The following DYSF variants were observed in gnomAD, a reference collection of about 807,000 sequenced individuals.
DYSF encodes the protein dystrophy-associated fer-1-like 1.
Under a neutral mutation model 274.9 loss-of-function variants are expected in DYSF, and 212 were observed. The ratio of observed to expected loss-of-function variants is 0.77; its 90% CI spans 0.69 to 0.86. The LOEUF (loss-of-function observed/expected upper bound fraction) is 0.86, where lower values mean the gene tolerates loss of function less well. DYSF is among the 40% of genes least tolerant of loss of function. The pLI is 0.00. For synonymous variants in DYSF, 1,091 were observed against 1,078.7 expected (o/e 1.01, Z -0.22); for missense variants, 2,666 against 2,783.2 (o/e 0.96, Z 0.95).
chr2:71,617,746 A>ATGTGGGGTAGAGGTGGTG (rs2093926854), intron 40 of DYSF, among the ~76,000 whole-genome samples: 1 of 15,994 alleles, frequency 6.3e-5, no homozygotes, highest in Admixed American at 7.0e-4. Context: ...GTGTGTGTGT[A>ATGTGGGGTAGAGGTGGTG]TGTGGGGTAG....
At chr2:71,564,265 C>T (rs1250359637) in intron 24 of DYSF, 52 bp downstream of exon 24, 1 of 1,608,286 alleles carries the variant, frequency 6.2e-7, no homozygotes, top group Non-Finnish European at 8.5e-7. Flanking sequence ...AACATAAGGC[C>T]TTTCTCCCAT....
intron 41 of DYSF, among the ~76,000 whole-genome samples, chr2:71,629,409 T>C (rs1408348072): frequency 6.6e-6 from 1 of 152,222 alleles, no homozygotes; most frequent in Non-Finnish European, 1.5e-5. Context: ...CTCTGACTTC[T>C]GTTGTCTGAT....
intron 22 of DYSF, among the ~76,000 whole-genome samples, chr2:71,557,004 G>A (rs1391471438): frequency 1.3e-5 from 2 of 152,214 alleles, no homozygotes; most frequent in Non-Finnish European, 2.9e-5. Context: ...GTTAGGAAGT[G>A]TATCTTTATC....
intron 17 of DYSF, among the ~76,000 whole-genome samples, chr2:71,542,839 G>C (rs963280016): frequency 7.9e-5 from 12 of 152,230 alleles, no homozygotes; most frequent in South Asian, 2.1e-4. Context: ...CTTTCTACTC[G>C]ACAAAACCGC....
chr2:71,518,311 C>T (rs550761279), intron 10 of DYSF, among the ~76,000 whole-genome samples: 36 of 146,834 alleles, frequency 2.5e-4, no homozygotes, highest in African/African-American at 8.4e-4. Flanking sequence ...GGCTGGAGTG[C>T]AGTGGTGTGA....
chr2:71,584,474 A>G (rs17429787), intron 30 of DYSF, among the ~76,000 whole-genome samples: 68,827 of 151,950 alleles, frequency 0.45, 16,497 homozygotes, highest in East Asian at 0.71. Context: ...AAGTGAGTCC[A>G]CATTAATCCC....
chr2:71,584,449 C>T (rs1404781587), intron 30 of DYSF, among the ~76,000 whole-genome samples: 1 of 152,142 alleles, frequency 6.6e-6, no homozygotes, highest in African/African-American at 2.4e-5. Context: ...CACAGATGGC[C>T]TCATCCTGGG....
intron 26 of DYSF, among the ~76,000 whole-genome samples, chr2:71,568,874 C>T (rs1345870101): frequency 1.4e-5 from 2 of 141,742 alleles, no homozygotes; most frequent in Admixed American, 7.1e-5. Context: ...CCTTTATTCT[C>T]TCTCTTTTTT....
At chr2:71,649,834 C>T (rs572599708) in intron 42 of DYSF, among the ~76,000 whole-genome samples, 10 of 152,116 alleles carry the variant, frequency 6.6e-5, no homozygotes, top group Non-Finnish European at 1.0e-4. Flanking sequence ...AATCAGATCT[C>T]AGAGCAAAAT....
chr2:71,638,883 C>T (rs72904612), intron 41 of DYSF, among the ~76,000 whole-genome samples: 1,766 of 152,288 alleles, frequency 0.012, 39 homozygotes, highest in African/African-American at 0.039. Flanking sequence ...GCAACTCTAA[C>T]GTTTAATGTT....
At chr2:71,566,507 C>T (rs1385401102) in intron 24 of DYSF, among the ~76,000 whole-genome samples, 2 of 152,014 alleles carry the variant, frequency 1.3e-5, no homozygotes, top group Non-Finnish European at 1.5e-5. Context: ...TTAACTTAAA[C>T]CAAAGTTGGA....
rs60193865 is a variant in DYSF, at chr2:71,616,853, T to C, written c.4464+3443T>C. On this transcript the variant is annotated intron_variant, in intron 40 of 55. Transcript: ENST00000410020. ...CTTTTTAGGTTTCTCTTTCTGTCTC[T>C]GATTCTGTCTCTGACTTCATTTCTA... Among the ~76,000 whole-genome samples the C allele has an allele frequency of 9.3e-3, 1,418 of 152,334 alleles. 20 individuals carry two copies. The highest frequency in any genetic ancestry group is 0.033 in the African/African-American group (1,370 of 41,572).
chr2:71,526,325 CG>C lies in DYSF; in HGVS notation c.1258del (p.Ala420ProfsTer11), dbSNP rs779969348. ...AGCCCACTTCTGCCTGAAGGTCTTCCGGGCCGAGGACTTGCCGCAGAGTGCG... is the reference window on the plus strand; with the variant it reads ...AGCCCACTTCTGCCTGAAGGTCTTCCGGCCGAGGACTTGCCGCAGAGTGCG... Reference protein sequence around the residue: ...RGAHFCLKVFRAEDLPQMDDA... With the variant: ...RGAHFCLKVFXAEDLPQMDDA... On this transcript the variant is annotated frameshift_variant, in exon 13 of 56. Coordinates refer to ENST00000410020, the MANE Select transcript of DYSF (RefSeq NM_001130987.2). LOFTEE classifies it high-confidence loss of function. 9 of 1,416,250 alleles carry C rather than the reference CG, an allele frequency of 6.4e-6. No individual in the cohort carries two copies. The highest frequency in any genetic ancestry group is 2.0e-4 in the Middle Eastern group (1 of 5,046). The allele number at this position is 1,416,250 out of a possible 1,614,324, so 87.7% of individuals were successfully genotyped here.
intron 3 of DYSF, among the ~76,000 whole-genome samples, chr2:71,497,838 A>T (rs1191778881): frequency 6.6e-6 from 1 of 152,218 alleles, no homozygotes; most frequent in African/African-American, 2.4e-5. Flanking sequence ...ATATCTCTAC[A>T]TGTGAGCGTG....
At position 71,570,188 on chromosome 2, in the gene DYSF, C is replaced by CTT. The variant is rs773235527; in HGVS notation, c.2980-40_2980-39insTT. 3 of 1,562,266 alleles carry CTT rather than the reference C, an allele frequency of 1.9e-6. No homozygotes were observed. The African/African-American group carries it at 4.1e-5, about 21-fold the overall frequency. On this transcript the variant is annotated intron_variant, in intron 27 of 55. Transcript: ENST00000410020. Reference sequence around the variant, plus strand: ...TTTCTGCCTCCCTGCTCACATCTGTCTGTCTCCTCTCATTGCTTGCCTGTT... The same window carrying CTT: ...TTTCTGCCTCCCTGCTCACATCTGTCTTTGTCTCCTCTCATTGCTTGCCTGTT...
At chr2:71,658,768 CAT>C (rs1461111182) in intron 43 of DYSF, 108 bp from the exon 44 acceptor site, 22 of 1,374,764 alleles carry the variant, frequency 1.6e-5, no homozygotes, top group Non-Finnish European at 2.1e-5. Context: ...CCTCCCACAA[CAT>C]GTGGGAATTC....
At chr2:71,570,861 T>C (rs1218333618) in intron 29 of DYSF, 120 bp downstream of exon 29, 1 of 1,424,114 alleles carries the variant, frequency 7.0e-7, no homozygotes, top group Non-Finnish European at 9.5e-7. Context: ...CACAGACACC[T>C]GGGACTCACT....
chr2:71,645,224 T>C (rs2094548427), intron 42 of DYSF, among the ~76,000 whole-genome samples: 1 of 152,198 alleles, frequency 6.6e-6, no homozygotes, highest in Admixed American at 6.5e-5. Context: ...AAGAATTGGA[T>C]CGCACGTGGG....
intron 7 of DYSF, 84 bp from the exon 8 acceptor site, chr2:71,515,539 G>T: frequency 2.5e-6 from 4 of 1,595,534 alleles, no homozygotes; most frequent in Non-Finnish European, 3.4e-6. Context: ...GATGGTCCCT[G>T]AGATTTCTGA....
Sources: gnomAD v4.1 joint callset for allele counts (sites outside exome capture counted in the v4.1 genomes callset) on GRCh38, gnomAD v4.1.1 for gene constraint, MANE v1.5 for transcripts, NCBI Gene and HGNC (gene_info 2026-07-23, HGNC 2026-07-21) for gene names.